Variants in LIMA1 observed in about 807,000 individuals in gnomAD.
LIMA1 encodes LIM domain and actin binding 1.
In LIMA1, 52 loss-of-function variants were observed where a neutral mutation model predicts 62.6. That is an observed-to-expected ratio of 0.83 (90% confidence interval 0.67 to 1.05). The LOEUF is 1.05. LIMA1 is among the 50% of genes least tolerant of loss of function. LIMA1 has a pLI of 0.00. For missense variants in LIMA1, 780 were observed against 902.2 expected, an observed-to-expected ratio of 0.86 and a Z score of 1.74; for synonymous variants, 302 against 317.8, an observed-to-expected ratio of 0.95 and a Z score of 0.53.
intron 4 of LIMA1, chr12:50,219,500 A>C (rs1941406312): frequency 6.6e-6 from 1 of 152,124 alleles, no homozygotes; most frequent in South Asian, 2.1e-4. Context: ...TAAATAAATA[A>C]ATAAATAAAT....
intron 4 of LIMA1, chr12:50,217,750 C>A (rs184716731): frequency 7.7e-4 from 254 of 329,714 alleles, no homozygotes; most frequent in Non-Finnish European, 1.3e-3. Context: ...GACCTTGATT[C>A]CTGACTACCG....
chr12:50,188,956 A>G lies in LIMA1; in HGVS notation c.1140+3496T>C, dbSNP rs1350443270. ...AACCACAACCTGAGCACTCACATCTAGGCAGCATTGCTGTCAGAGAGGAAA... is the reference window on the plus strand; with the variant it reads ...AACCACAACCTGAGCACTCACATCTGGGCAGCATTGCTGTCAGAGAGGAAA... On this transcript the variant is annotated intron_variant, in intron 9 of 10. Coordinates refer to ENST00000341247, the MANE Select transcript of LIMA1 (RefSeq NM_016357.5). 2.0e-5 allele frequency: 3 copies of G among 152,346 alleles called. No individual in the cohort carries two copies. The South Asian group carries it at 6.2e-4, about 32-fold the overall frequency. The allele number at this position is 152,346 out of a possible 1,614,324, so 9.4% of individuals were successfully genotyped here. A position where few individuals can be genotyped will look rare whatever the true frequency, so the allele number is the denominator to read the frequency against.
At position 50,177,286 on chromosome 12, in the gene LIMA1, G is replaced by A. The variant is rs35414607; in HGVS notation, c.2058C>T (p.Ser686=). 2,602 of 1,614,060 alleles carry A rather than the reference G, an allele frequency of 1.6e-3. 36 individuals carry two copies. In the African/African-American group the frequency reaches 0.028, roughly 18 times the overall value. The change falls in exon 11 of 11, where the codon TCC becomes TCT. Residue 686 remains serine, a synonymous_variant. Coordinates refer to ENST00000341247, the MANE Select transcript of LIMA1 (RefSeq NM_016357.5). The part of the protein sequence containing the change: ...NENLVENGAD[S]DEDDNSFLKQ... ...TGAGGAAGCTGTTATCATCTTCATC[G>A]GAGTCTGCACCATTTTCTACAAGAT...
At chr12:50,282,972 T>A (rs977393445) in intron 1 of LIMA1, among the ~76,000 whole-genome samples, 1 of 152,154 alleles carries the variant, frequency 6.6e-6, no homozygotes, top group African/African-American at 2.4e-5. Context: ...GGTGTAAGTG[T>A]CTTAAACAGA....
chr12:50,176,860 G>T lies in LIMA1; in HGVS notation c.*204C>A. The stretch of plus-strand genomic sequence containing the variant: ...ATCACTGCTAAAATGAAGAATTTAA[G>T]TAAAGTTATCTCTAGTATTTAGAAT... On this transcript the variant is annotated 3_prime_UTR_variant, in exon 11 of 11. Coordinates refer to ENST00000341247, the MANE Select transcript of LIMA1 (RefSeq NM_016357.5). 1 of 493,736 alleles carries T rather than the reference G, an allele frequency of 2.0e-6. No individual in the cohort carries two copies. The highest frequency in any genetic ancestry group is 3.5e-6 in the Non-Finnish European group (1 of 284,374). 30.6% of individuals were successfully genotyped at this position (493,736 alleles called of 1,614,324 possible). A position where few individuals can be genotyped will look rare whatever the true frequency, so the allele number is the denominator to read the frequency against.
intron 4 of LIMA1, chr12:50,217,743 C>T (rs1941369122): frequency 3.1e-5 from 10 of 327,162 alleles, no homozygotes; most frequent in South Asian, 2.9e-4. Context: ...GCTTCATGAC[C>T]TTGATTCCTG....
At chr12:50,254,770 A>G (rs1211155686) in intron 1 of LIMA1, among the ~76,000 whole-genome samples, 1 of 152,136 alleles carries the variant, frequency 6.6e-6, no homozygotes, top group East Asian at 1.9e-4. Flanking sequence ...CCAGGCTTGG[A>G]CAAAAACAGC....
intron 1 of LIMA1, among the ~76,000 whole-genome samples, chr12:50,251,624 C>CAAA (rs397850152): frequency 1.2e-5 from 1 of 81,568 alleles, no homozygotes; most frequent in Non-Finnish European, 2.5e-5. Context: ...GACTCCACCT[C>CAAA]AAAAAAAAAA....
At position 50,177,541 on chromosome 12, in the gene LIMA1, A is replaced by ATGCTTT; in HGVS notation, c.1802_1803insAAAGCA (p.Ser601_Val602insLysHis). 1 of 1,611,614 alleles carries ATGCTTT rather than the reference A, an allele frequency of 6.2e-7. No individual in the cohort carries two copies. Among genetic ancestry groups the ATGCTTT allele is most frequent in the Non-Finnish European group, 8.5e-7 (1 of 1,179,082 alleles). ...GGGACACAGTTTTTGGGCTCTTGACAGAGGTGCTTTGAAATGAAGCTGCTA... is the reference window on the plus strand; with the variant it reads ...GGGACACAGTTTTTGGGCTCTTGACATGCTTTGAGGTGCTTTGAAATGAAGCTGCTA... On this transcript the variant is annotated inframe_insertion, in exon 11 of 11. Coordinates refer to ENST00000341247, the MANE Select transcript of LIMA1 (RefSeq NM_016357.5).
At chr12:50,225,548 A>C (rs1275004022) in intron 3 of LIMA1, among the ~76,000 whole-genome samples, 1 of 152,122 alleles carries the variant, frequency 6.6e-6, no homozygotes. Flanking sequence ...CATACATGAA[A>C]TCTTCAATCT....
rs368260352 is a variant in LIMA1, at chr12:50,229,015, G to C, written c.165+2650C>G. Among the ~76,000 whole-genome samples, 12 of 152,156 alleles carry C rather than the reference G, an allele frequency of 7.9e-5. No individual in the cohort carries two copies. The East Asian group carries it at 1.2e-3, about 15-fold the overall frequency. ...GGGATTACAGGCACAAGCCACTGTG[G>C]CAGAGCCACTGCTGCCATTCTTGAT... On this transcript the variant is annotated intron_variant, in intron 3 of 10. Coordinates refer to ENST00000341247, the MANE Select transcript of LIMA1 (RefSeq NM_016357.5).
chr12:50,232,530 T>C (rs1236611843), intron 2 of LIMA1, among the ~76,000 whole-genome samples: 1 of 151,998 alleles, frequency 6.6e-6, no homozygotes, highest in Non-Finnish European at 1.5e-5. Flanking sequence ...CCACCACACC[T>C]GGCTAATTTT....
intron 4 of LIMA1, among the ~76,000 whole-genome samples, chr12:50,219,363 T>C (rs1941404245): frequency 6.6e-6 from 1 of 152,074 alleles, no homozygotes; most frequent in Non-Finnish European, 1.5e-5. Context: ...CGGGCGCCTA[T>C]AATCCCAGCT....
intron 4 of LIMA1, among the ~76,000 whole-genome samples, chr12:50,208,940 C>T (rs1178852691): frequency 1.3e-5 from 2 of 151,400 alleles, no homozygotes; most frequent in Non-Finnish European, 2.9e-5. Flanking sequence ...AATTTATATC[C>T]AGTCAGCTTT....
At position 50,192,434 on chromosome 12, in the gene LIMA1, G is replaced by C. The variant is rs749374718; in HGVS notation, c.1140+18C>G. The C allele has an allele frequency of 6.7e-7, 1 of 1,499,836 alleles. No homozygotes were observed. The highest frequency in any genetic ancestry group is 2.3e-5 in the East Asian group (1 of 44,392). 92.9% of individuals were successfully genotyped at this position (1,499,836 alleles called of 1,614,324 possible). On this transcript the variant is annotated intron_variant, in intron 9 of 10. Coordinates refer to ENST00000341247, the MANE Select transcript of LIMA1 (RefSeq NM_016357.5). ...GTAGACCAATGTCCAAAGGCTCAGA[G>C]AGAAATTGCCATCATACCTTCATTG...
chr12:50,183,809 T>TAAAA (rs1565827717), intron 9 of LIMA1, among the ~76,000 whole-genome samples: 33 of 12,910 alleles, frequency 2.6e-3, no homozygotes, highest in African/African-American at 0.015. Context: ...AGACTTGGTC[T>TAAAA]CAAAAAAAAA....
At chr12:50,239,831 T>A (rs1430619775) in intron 2 of LIMA1, among the ~76,000 whole-genome samples, 1 of 147,062 alleles carries the variant, frequency 6.8e-6, no homozygotes, top group African/African-American at 2.5e-5. Flanking sequence ...CCCCATCTCT[T>A]AAAAAAAAAA....
intron 7 of LIMA1, among the ~76,000 whole-genome samples, chr12:50,196,587 C>T (rs939746674): frequency 6.6e-6 from 1 of 152,194 alleles, no homozygotes; most frequent in Non-Finnish European, 1.5e-5. Flanking sequence ...GGCCCCCATG[C>T]CTTCCTGGTA....
chr12:50,224,670 GA>G (rs1274781749), intron 3 of LIMA1, among the ~76,000 whole-genome samples: 1 of 152,154 alleles, frequency 6.6e-6, no homozygotes, highest in Non-Finnish European at 1.5e-5. Context: ...TTATTGACAT[GA>G]AAAGATGCTC....
Sources: allele counts gnomAD v4.1 joint callset (sites outside exome capture counted in the v4.1 genomes callset), GRCh38; gene constraint gnomAD v4.1.1; transcripts MANE v1.5; gene names NCBI Gene and HGNC (gene_info 2026-07-23, HGNC 2026-07-21).